Variants in ATXN7L1 observed in about 807,000 individuals in gnomAD.
ATXN7L1 encodes the protein ataxin-7-like protein 1.
Under a neutral mutation model 70.8 loss-of-function variants are expected in ATXN7L1, and 15 were observed. That is an observed-to-expected ratio of 0.21 (90% CI 0.14 to 0.33). The LOEUF is 0.33. Ranked by LOEUF, ATXN7L1 falls within the 10% of genes least tolerant of loss-of-function variation. ATXN7L1 has a pLI of 1.00. For missense variants in ATXN7L1, 975 were observed against 1,097.1 expected, an observed-to-expected ratio of 0.89 and a Z score of 1.57; for synonymous variants, 440 against 445.1, an observed-to-expected ratio of 0.99 and a Z score of 0.14.
Position 105,814,576 on chromosome 7 carries a change from TTTTTG to T in ATXN7L1, c.251-25873_251-25869del, listed in dbSNP as rs146034861. Among the ~76,000 whole-genome samples, 963 of 152,330 alleles carry T rather than the reference TTTTTG, an allele frequency of 6.3e-3. 9 individuals are homozygous for T. Among genetic ancestry groups the T allele is most frequent in the African/African-American group, 0.022 (913 of 41,564 alleles). ...GATTACTTGACTTTCAGGCAGTTGC[TTTTTG>T]TTTTTAGTTTTTTTCTTCTACTTCT... On this transcript the variant is annotated intron_variant, in intron 2 of 11. Coordinates refer to ENST00000419735, the MANE Select transcript of ATXN7L1 (RefSeq NM_020725.2).
chr7:105,835,701 AGTTTCTCTTCT>A (rs1812277006), intron 2 of ATXN7L1, among the ~76,000 whole-genome samples: 1 of 152,214 alleles, frequency 6.6e-6, no homozygotes, highest in African/African-American at 2.4e-5. Context: ...CAATGGAGAC[AGTTTCTCTTCT>A]GGCCAACAAG....
chr7:105,815,558 C>T (rs938502593), intron 2 of ATXN7L1, among the ~76,000 whole-genome samples: 1 of 152,094 alleles, frequency 6.6e-6, no homozygotes, highest in Admixed American at 6.5e-5. Flanking sequence ...AACTCTATAC[C>T]CAACTAACCA....
chr7:105,737,300 C>T lies in ATXN7L1; in HGVS notation c.355+51304G>A, dbSNP rs10265046. Among the ~76,000 whole-genome samples the T allele has an allele frequency of 3.9e-3, 597 of 152,352 alleles. 7 individuals carry two copies. Among genetic ancestry groups the T allele is most frequent in the African/African-American group, 0.013 (559 of 41,580 alleles). The stretch of plus-strand genomic sequence containing the variant: ...TCACTCTAATAAACTTTTCAAACTT[C>T]CTCCATTGTAACAATATTAGCTAAT... On this transcript the variant is annotated intron_variant, in intron 3 of 11. Coordinates refer to ENST00000419735, the MANE Select transcript of ATXN7L1 (RefSeq NM_020725.2).
chr7:105,708,073 C>T (rs991544901), intron 3 of ATXN7L1, among the ~76,000 whole-genome samples: 2 of 152,122 alleles, frequency 1.3e-5, no homozygotes, highest in South Asian at 2.1e-4. Context: ...AGACTGGGCG[C>T]GAAGTGTTTT....
intron 3 of ATXN7L1, among the ~76,000 whole-genome samples, chr7:105,719,494 G>C (rs1794940882): frequency 6.6e-6 from 1 of 152,112 alleles, no homozygotes; most frequent in Non-Finnish European, 1.5e-5. Context: ...GTATAACCTT[G>C]TCTCTTGGTT....
chr7:105,627,698 AT>A (rs1243131422), intron 7 of ATXN7L1, among the ~76,000 whole-genome samples: 1 of 151,530 alleles, frequency 6.6e-6, no homozygotes, highest in African/African-American at 2.4e-5. Context: ...TGCCCAGCTA[AT>A]TTTTGTATTT....
chr7:105,784,285 C>T (rs187219398), intron 3 of ATXN7L1, among the ~76,000 whole-genome samples: 36 of 152,122 alleles, frequency 2.4e-4, no homozygotes, highest in African/African-American at 3.9e-4. Context: ...TAGTTATTGT[C>T]GGAACTGAAT....
chr7:105,866,626 A>G (rs918133429), intron 2 of ATXN7L1, among the ~76,000 whole-genome samples: 1 of 152,186 alleles, frequency 6.6e-6, no homozygotes, highest in Non-Finnish European at 1.5e-5. Context: ...TCTGAGCTCT[A>G]CCACAGGAGA....
chr7:105,790,729 A>C (rs1805104116), intron 2 of ATXN7L1, among the ~76,000 whole-genome samples: 1 of 138,734 alleles, frequency 7.2e-6, no homozygotes. Flanking sequence ...CTGACAAAAA[A>C]AGGTCAGTTA....
intron 3 of ATXN7L1, among the ~76,000 whole-genome samples, chr7:105,709,295 C>T (rs1793582116): frequency 6.6e-6 from 1 of 152,160 alleles, no homozygotes; most frequent in African/African-American, 2.4e-5. Context: ...GATAGTGCCA[C>T]TGCACTCCAG....
At chr7:105,743,692 T>C (rs1030307073) in intron 3 of ATXN7L1, among the ~76,000 whole-genome samples, 2 of 152,176 alleles carry the variant, frequency 1.3e-5, no homozygotes, top group Non-Finnish European at 2.9e-5. Flanking sequence ...CCACCAGCCA[T>C]AAATGCTAAC....
chr7:105,801,773 A>G (rs1349068010), intron 2 of ATXN7L1, among the ~76,000 whole-genome samples: 1 of 152,138 alleles, frequency 6.6e-6, no homozygotes, highest in Non-Finnish European at 1.5e-5. Context: ...TCTTTTCCCA[A>G]CTTCATATTT....
chr7:105,711,058 C>A (rs1342639097), intron 3 of ATXN7L1, among the ~76,000 whole-genome samples: 3 of 152,134 alleles, frequency 2.0e-5, no homozygotes, highest in Non-Finnish European at 2.9e-5. Context: ...GGGGAAACCG[C>A]CCCCATGATT....
At chr7:105,658,974 T>C (rs1417274993) in intron 4 of ATXN7L1, among the ~76,000 whole-genome samples, 1 of 152,194 alleles carries the variant, frequency 6.6e-6, no homozygotes, top group African/African-American at 2.4e-5. Context: ...CCGTCTCTAC[T>C]GAAAACACAA....
At chr7:105,787,298 C>T (rs1236507451) in intron 3 of ATXN7L1, among the ~76,000 whole-genome samples, 7 of 152,096 alleles carry the variant, frequency 4.6e-5, no homozygotes, top group East Asian at 1.9e-4. Context: ...GCAAGTAGCC[C>T]GAGGACACAG....
intron 3 of ATXN7L1, among the ~76,000 whole-genome samples, chr7:105,749,983 C>T (rs1345300010): frequency 1.3e-5 from 2 of 151,870 alleles, no homozygotes; most frequent in Non-Finnish European, 2.9e-5. Flanking sequence ...GCACGATACA[C>T]CTAAAATCTT....
chr7:105,856,822 T>A (rs914907013), intron 2 of ATXN7L1, among the ~76,000 whole-genome samples: 2 of 151,632 alleles, frequency 1.3e-5, no homozygotes, highest in Non-Finnish European at 2.9e-5. Context: ...TGTGTGTGTG[T>A]GAGACAGAGA....
chr7:105,812,815 A>G (rs1808619766), intron 2 of ATXN7L1, among the ~76,000 whole-genome samples: 1 of 152,128 alleles, frequency 6.6e-6, no homozygotes, highest in South Asian at 2.1e-4. Flanking sequence ...AGCCTGGACA[A>G]CATGATGAAA....
intron 2 of ATXN7L1, among the ~76,000 whole-genome samples, chr7:105,832,059 T>C (rs1811700927): frequency 6.6e-6 from 1 of 152,178 alleles, no homozygotes; most frequent in Non-Finnish European, 1.5e-5. Flanking sequence ...GTGACTATAT[T>C]GGAAGGCTGC....
Sources: allele counts gnomAD v4.1 joint callset (sites outside exome capture counted in the v4.1 genomes callset), GRCh38; gene constraint gnomAD v4.1.1; transcripts MANE v1.5; gene names NCBI Gene and HGNC (gene_info 2026-07-23, HGNC 2026-07-21).